The following GPC5 variants were observed in gnomAD, a reference collection of about 807,000 sequenced individuals.
GPC5 encodes glypican-5.
Under a neutral mutation model 53.9 loss-of-function variants are expected in GPC5, and 47 were observed. That is an observed-to-expected ratio of 0.87 (90% CI 0.69 to 1.11). The LOEUF (loss-of-function observed/expected upper bound fraction) is 1.11, where lower values mean the gene tolerates loss of function less well. Among genes scored for constraint, GPC5 ranks in the 50% most tolerant of loss-of-function variants. The pLI is 0.00. For missense variants in GPC5, 748 were observed against 713.1 expected (o/e 1.05, Z -0.56); for synonymous variants, 286 against 263.3 (o/e 1.09, Z -0.84).
At chr13:92,713,021 A>C (rs1888193475) in intron 7 of GPC5, among the ~76,000 whole-genome samples, 1 of 152,110 alleles carries the variant, frequency 6.6e-6, no homozygotes, top group African/African-American at 2.4e-5. Context: ...CACCCAGGCT[A>C]TGATACTTTG....
At chr13:92,354,439 C>T (rs2043505631) in intron 7 of GPC5, among the ~76,000 whole-genome samples, 1 of 152,114 alleles carries the variant, frequency 6.6e-6, no homozygotes, top group African/African-American at 2.4e-5. Context: ...TTTGACTAAT[C>T]AACAGTAGTA....
chr13:92,193,577 A>G (rs890545338), intron 7 of GPC5, among the ~76,000 whole-genome samples: 2 of 152,212 alleles, frequency 1.3e-5, no homozygotes, highest in African/African-American at 4.8e-5. Flanking sequence ...ACCTCTTAAG[A>G]ATGATTATAG....
At chr13:92,203,472 C>T (rs913464483) in intron 7 of GPC5, among the ~76,000 whole-genome samples, 2 of 110,726 alleles carry the variant, frequency 1.8e-5, no homozygotes, top group African/African-American at 7.2e-5. Context: ...GAATATCACA[C>T]TCTGGGGACT....
chr13:92,235,167 TTTAC>T (rs771591338), intron 7 of GPC5, among the ~76,000 whole-genome samples: 2 of 152,160 alleles, frequency 1.3e-5, no homozygotes, highest in African/African-American at 2.4e-5. Flanking sequence ...AGGTTATTAT[TTTAC>T]TTACTCCAGG....
chr13:92,320,684 G>A (rs1406291265), intron 7 of GPC5, among the ~76,000 whole-genome samples: 2 of 152,112 alleles, frequency 1.3e-5, no homozygotes, highest in Non-Finnish European at 2.9e-5. Flanking sequence ...TCTAATCAAA[G>A]CGGCAACCTT....
chr13:91,858,503 T>C (rs7989909), intron 5 of GPC5, among the ~76,000 whole-genome samples: 28,761 of 151,960 alleles, frequency 0.19, 3,032 homozygotes, highest in East Asian at 0.31. Flanking sequence ...CCTTGCATCC[T>C]TGGGATAAAT....
At position 92,765,823 on chromosome 13, in the gene GPC5, T is replaced by C. The variant is rs1875383295; in HGVS notation, c.1562-100459T>C. Among the ~76,000 whole-genome samples, 7 of 152,194 alleles carry C rather than the reference T, an allele frequency of 4.6e-5. No individual in the cohort carries two copies. The South Asian group carries it at 1.4e-3, about 32-fold the overall frequency. ...CCAGATAGTAATATTTTAGGCTGTA[T>C]GTGCCAGGAAGCAAAATCAAGGATA... On this transcript the variant is annotated intron_variant, in intron 7 of 7. Transcript: ENST00000377067.
intron 7 of GPC5, among the ~76,000 whole-genome samples, chr13:92,371,013 G>A (rs1039960543): frequency 5.3e-5 from 8 of 152,012 alleles, no homozygotes; most frequent in African/African-American, 1.9e-4. Context: ...GCTGGGTGTG[G>A]TGTTAGGTGC....
intron 7 of GPC5, among the ~76,000 whole-genome samples, chr13:92,776,772 T>C (rs1195515974): frequency 6.6e-6 from 1 of 152,102 alleles, no homozygotes; most frequent in Non-Finnish European, 1.5e-5. Context: ...GACCTGATCA[T>C]ACCCTGTCTT....
intron 6 of GPC5, among the ~76,000 whole-genome samples, chr13:92,123,656 C>G (rs1396169202): frequency 6.6e-6 from 1 of 152,100 alleles, no homozygotes; most frequent in African/African-American, 2.4e-5. Context: ...GCCTTTACAG[C>G]TCCGTCAGAT....
intron 7 of GPC5, among the ~76,000 whole-genome samples, chr13:92,622,050 T>C (rs1884891819): frequency 6.6e-6 from 1 of 152,168 alleles, no homozygotes; most frequent in Non-Finnish European, 1.5e-5. Flanking sequence ...ATGTCCATTC[T>C]CTATCTGGTT....
intron 2 of GPC5, among the ~76,000 whole-genome samples, chr13:91,647,551 C>T (rs908811122): frequency 5.3e-5 from 8 of 152,194 alleles, no homozygotes; most frequent in Admixed American, 4.6e-4. Flanking sequence ...CGTGCTGCCC[C>T]CTGTCGGGCA....
At chr13:91,683,019 G>A (rs532509234) in intron 2 of GPC5, among the ~76,000 whole-genome samples, 5 of 151,636 alleles carry the variant, frequency 3.3e-5, no homozygotes, top group East Asian at 3.9e-4. Flanking sequence ...TGGAATCTTC[G>A]AATTGTTGCT....
chr13:91,746,398 A>G (rs1045288977), intron 4 of GPC5, among the ~76,000 whole-genome samples: 3 of 152,220 alleles, frequency 2.0e-5, no homozygotes, highest in African/African-American at 4.8e-5. Flanking sequence ...ACATTTCAGA[A>G]AGAAAATCTC....
intron 7 of GPC5, among the ~76,000 whole-genome samples, chr13:92,218,508 C>A (rs750074831): frequency 2.6e-5 from 4 of 152,148 alleles, no homozygotes. Context: ...GCTGAAGACT[C>A]AGAAATGTGC....
chr13:92,335,800 C>T lies in GPC5; in HGVS notation c.1561+190811C>T, dbSNP rs1046079905. Reference sequence around the variant, plus strand: ...ACAAGTTCCTCATCTCCATCTGAGACGACCTTAGCCTGGACTTTTTTGTCC... The same window carrying T: ...ACAAGTTCCTCATCTCCATCTGAGATGACCTTAGCCTGGACTTTTTTGTCC... On this transcript the variant is annotated intron_variant, in intron 7 of 7. Transcript: ENST00000377067. Among the ~76,000 whole-genome samples the T allele has an allele frequency of 5.3e-5, 8 of 152,280 alleles. No homozygotes were observed. The South Asian group carries it at 6.2e-4, about 12-fold the overall frequency.
At chr13:91,717,977 T>A (rs993791750) in intron 3 of GPC5, among the ~76,000 whole-genome samples, 1 of 152,168 alleles carries the variant, frequency 6.6e-6, no homozygotes, top group Non-Finnish European at 1.5e-5. Flanking sequence ...TTTTATCTAG[T>A]TATTATTTTT....
chr13:91,756,513 C>T (rs1263428340), intron 5 of GPC5, 93 bp downstream of exon 5: 4 of 1,145,624 alleles, frequency 3.5e-6, no homozygotes, highest in Non-Finnish European at 3.6e-6. Context: ...TTAACTTTGT[C>T]ACACAGTTTA....
intron 5 of GPC5, among the ~76,000 whole-genome samples, chr13:91,839,687 T>C (rs2038762465): frequency 6.6e-6 from 1 of 152,146 alleles, no homozygotes; most frequent in South Asian, 2.1e-4. Flanking sequence ...AACCTTTGCA[T>C]ACCCATTATC....
Sources: allele counts gnomAD v4.1 joint callset (sites outside exome capture counted in the v4.1 genomes callset), GRCh38; gene constraint gnomAD v4.1.1; transcripts MANE v1.5; gene names NCBI Gene and HGNC (gene_info 2026-07-23, HGNC 2026-07-21).